GLDN: variants seen among roughly 807,000 people sequenced by gnomAD.
GLDN encodes the protein gliomedin.
In GLDN, 47 loss-of-function variants were observed where a neutral mutation model predicts 56.5. The observed-to-expected ratio is 0.83, with a 90% CI of 0.66 to 1.06. The LOEUF is 1.06. Among genes scored for constraint, GLDN ranks in the 50% least tolerant of loss-of-function variants. The probability of loss-of-function intolerance (pLI) is 0.00; values close to 1 mark genes in which losing one functional copy is unlikely to be tolerated. For missense variants in GLDN, 782 were observed against 714.3 expected (o/e 1.09, Z -1.08); for synonymous variants, 332 against 278.8 (o/e 1.19, Z -1.90).
rs186805098 is a variant in GLDN at position 51,346,590 on chromosome 15, A to G, written c.363+4543A>G. Among the ~76,000 whole-genome samples, 935 of 152,354 alleles carry G rather than the reference A, an allele frequency of 6.1e-3. 13 individuals are homozygous for G. Among genetic ancestry groups the G allele is most frequent in the South Asian group, 5.4e-3 (26 of 4,832 alleles). On this transcript the variant is annotated intron_variant, in intron 1 of 9. Coordinates refer to ENST00000335449, the MANE Select transcript of GLDN (RefSeq NM_181789.4). ...TATGAAACTAAAGGAAAATATGAGT[A>G]TATCATTTTTAATTTTGGAATTGGG... is the stretch of plus-strand genomic sequence containing the variant.
intron 1 of GLDN, among the ~76,000 whole-genome samples, chr15:51,355,188 G>A (rs1314549886): frequency 6.6e-6 from 1 of 152,202 alleles, no homozygotes; most frequent in Non-Finnish European, 1.5e-5. Flanking sequence ...CTACTCCAGA[G>A]GCAGAGCAGC....
intron 4 of GLDN, among the ~76,000 whole-genome samples, chr15:51,389,722 T>C (rs1347684702): frequency 1.3e-5 from 2 of 152,112 alleles, no homozygotes; most frequent in Non-Finnish European, 2.9e-5. Flanking sequence ...TATGAGAATT[T>C]GATTTTTCGA....
In GLDN at chr15:51,407,687, TGAG is replaced by T. The variant is rs1312023668; in HGVS notation, c.*2937_*2939del. ...AAGTTCTGGGGTGGAAGTTTTAAGATGAGGAGTTCTGATCTTAGGCATCTTAAC... is the reference window on the plus strand; with the variant it reads ...AAGTTCTGGGGTGGAAGTTTTAAGATGAGTTCTGATCTTAGGCATCTTAAC... On this transcript the variant is annotated 3_prime_UTR_variant, in exon 10 of 10. Coordinates refer to ENST00000335449, the MANE Select transcript of GLDN (RefSeq NM_181789.4). 2 of 152,234 alleles carry T rather than the reference TGAG, an allele frequency of 1.3e-5. No homozygotes were observed. The highest frequency in any genetic ancestry group is 2.9e-5 in the Non-Finnish European group (2 of 68,056). 9.4% of individuals were successfully genotyped at this position (152,234 alleles called of 1,614,324 possible).
intron 5 of GLDN, 107 bp from the exon 6 acceptor site, chr15:51,397,363 T>A: frequency 7.3e-6 from 1 of 137,290 alleles, no homozygotes; most frequent in Non-Finnish European, 1.5e-5. Flanking sequence ...TCCCCTTTCC[T>A]TCCCTCTCTC....
intron 1 of GLDN, among the ~76,000 whole-genome samples, chr15:51,375,335 T>C (rs895193857): frequency 2.6e-5 from 4 of 152,012 alleles, no homozygotes; most frequent in African/African-American, 9.7e-5. Context: ...TGAGGTTTTC[T>C]AAATCTACAC....
intron 1 of GLDN, among the ~76,000 whole-genome samples, chr15:51,343,325 C>G (rs1043593603): frequency 6.6e-6 from 1 of 151,336 alleles, no homozygotes; most frequent in African/African-American, 2.4e-5. Context: ...TGGACCTAAG[C>G]AGAAGTTTCA....
chr15:51,412,815 A>G (rs770391783), downstream of GLDN, among the ~76,000 whole-genome samples: 13 of 152,140 alleles, frequency 8.5e-5, no homozygotes, highest in Middle Eastern at 3.4e-3. Flanking sequence ...AGCTACATCT[A>G]TTTGTGTATC....
chr15:51,352,410 C>T (rs2037093131), intron 1 of GLDN, among the ~76,000 whole-genome samples: 1 of 152,112 alleles, frequency 6.6e-6, no homozygotes, highest in African/African-American at 2.4e-5. Context: ...TTTGGGGGTA[C>T]ACAAATATTC....
At chr15:51,395,783 A>G (rs2038114209) in intron 5 of GLDN, among the ~76,000 whole-genome samples, 1 of 152,168 alleles carries the variant, frequency 6.6e-6, no homozygotes, top group Non-Finnish European at 1.5e-5. Context: ...TAATTGGCTT[A>G]TAGTTCTGTA....
chr15:51,377,531 A>G, intron 2 of GLDN, 31 bp downstream of exon 2: 1 of 1,597,290 alleles, frequency 6.3e-7, no homozygotes, highest in East Asian at 2.2e-5. Context: ...AGCCGCTCAC[A>G]CAACAAGGAC....
At chr15:51,396,177 C>T (rs1727551081) in intron 5 of GLDN, among the ~76,000 whole-genome samples, 1 of 152,166 alleles carries the variant, frequency 6.6e-6, no homozygotes, top group Non-Finnish European at 1.5e-5. Context: ...AAACTCAGGG[C>T]CCTAATTGCC....
At chr15:51,397,449 T>G (rs2038155511) in intron 5 of GLDN, 21 bp from the exon 6 acceptor site, 2 of 1,330,966 alleles carry the variant, frequency 1.5e-6, no homozygotes, top group Non-Finnish European at 2.0e-6. Flanking sequence ...CTTCTCTCCC[T>G]TTCTCTCTCT....
chr15:51,408,486 T>C (rs958156111), downstream of GLDN, among the ~76,000 whole-genome samples: 1 of 152,208 alleles, frequency 6.6e-6, no homozygotes, highest in African/African-American at 2.4e-5. Flanking sequence ...CAAATTATAA[T>C]TGTTACTTTT....
At chr15:51,378,266 GA>G (rs1329743979) in intron 2 of GLDN, among the ~76,000 whole-genome samples, 42 of 152,278 alleles carry the variant, frequency 2.8e-4, no homozygotes, top group African/African-American at 1.0e-3. Context: ...GCCTCAGAGA[GA>G]AAAACTATAA....
chr15:51,362,502 A>G (rs8030839), intron 1 of GLDN, among the ~76,000 whole-genome samples: 49,401 of 147,948 alleles, frequency 0.33, 8,683 homozygotes, highest in East Asian at 0.49. Context: ...AAAAAAAAAA[A>G]AAAGAAAGAA....
chr15:51,384,926 G>A (rs1321531576), intron 4 of GLDN: 1 of 152,158 alleles, frequency 6.6e-6, no homozygotes, highest in Non-Finnish European at 1.5e-5. Context: ...TACTCCTTTG[G>A]TCACCTCCAC....
At chr15:51,387,305 A>G (rs1008245569) in intron 4 of GLDN, among the ~76,000 whole-genome samples, 1 of 152,194 alleles carries the variant, frequency 6.6e-6, no homozygotes, top group Admixed American at 6.5e-5. Context: ...GGAACTTTCC[A>G]TCTTTGGTGG....
At chr15:51,365,204 A>T (rs2037375869) in intron 1 of GLDN, among the ~76,000 whole-genome samples, 1 of 152,178 alleles carries the variant, frequency 6.6e-6, no homozygotes, top group African/African-American at 2.4e-5. Flanking sequence ...CAGGTGTTTG[A>T]TTATGGTGAC....
chr15:51,347,706 C>T (rs1051240920), intron 1 of GLDN, among the ~76,000 whole-genome samples: 6 of 152,332 alleles, frequency 3.9e-5, no homozygotes, highest in Admixed American at 2.0e-4. Flanking sequence ...ACCCAGCAAT[C>T]TCACCATAGA....
Sources: gnomAD v4.1 joint callset for allele counts (sites outside exome capture counted in the v4.1 genomes callset) on GRCh38, gnomAD v4.1.1 for gene constraint, MANE v1.5 for transcripts, NCBI Gene and HGNC (gene_info 2026-07-23, HGNC 2026-07-21) for gene names.